The following GNAS variants were observed in gnomAD, a reference collection of about 807,000 sequenced individuals.
The protein encoded by GNAS is protein ALEX.
GNAS carries 8 observed loss-of-function variants against 54.5 expected under a neutral mutation model. The ratio of observed to expected loss-of-function variants is 0.15; its 90% CI spans 0.09 to 0.26. The LOEUF (loss-of-function observed/expected upper bound fraction) is 0.26, where lower values mean the gene tolerates loss of function less well. Ranked by LOEUF, GNAS falls within the 10% of genes least tolerant of loss-of-function variation. The pLI, the probability that GNAS is intolerant of heterozygous loss-of-function variation, is 1.00. For synonymous variants in GNAS, 204 were observed against 191.4 expected (o/e 1.07, Z -0.54); for missense variants, 170 against 529.8 (o/e 0.32, Z 6.67).
chr20:58,871,629 AC>A (rs1369037141), intron 1 of GNAS, among the ~76,000 whole-genome samples: 22 of 142,682 alleles, frequency 1.5e-4, no homozygotes, highest in South Asian at 4.4e-4. Flanking sequence ...AAAAAAAAAA[AC>A]AAACAACAAA....
rs1365492916 is a variant in GNAS at position 58,855,095 on chromosome 20, C to A, written c.43+14209C>A. 9.9e-6 allele frequency: 16 copies of A among 1,613,498 alleles called. No homozygotes were observed. Among genetic ancestry groups the A allele is most frequent in the Non-Finnish European group, 1.4e-5 (16 of 1,179,920 alleles). ...AGCCCCAGCGCAACTTACTCCGCAA[C>A]TTTCTCGTGCAAGCCTTCGGGGGCT... On this transcript the variant is annotated intron_variant, in intron 1 of 12. Coordinates refer to the GNAS transcript ENST00000306090.
Position 58,910,917 on chromosome 20 carries a change from A to ATGGT in GNAS, c.*88_*89insTGGT. ...GTACAAGCAGTTAATCACCCACCAT[A>ATGGT]GGGCATGATTAACAAAGCAACCTTT... On this transcript the variant is annotated 3_prime_UTR_variant, in exon 13 of 13. Coordinates refer to ENST00000371085, the MANE Select transcript of GNAS (RefSeq NM_000516.7). The surrounding 1 kb of genome is among the most constrained non-coding windows in gnomAD (Gnocchi z 5.8). 7.7e-7 allele frequency: 1 copy of ATGGT among 1,297,788 alleles called. No homozygotes were observed. The highest frequency in any genetic ancestry group is 1.1e-6 in the Non-Finnish European group (1 of 901,790). 80.4% of individuals were successfully genotyped at this position (1,297,788 alleles called of 1,614,324 possible). A position where few individuals can be genotyped will look rare whatever the true frequency, so the allele number is the denominator to read the frequency against.
upstream of GNAS, chr20:58,889,449 G>C: frequency 1.3e-6 from 1 of 741,934 alleles, no homozygotes; most frequent in South Asian, 6.1e-5. Flanking sequence ...GCGCCCGGGC[G>C]CCGCTGCCTT....
chr20:58,867,395 T>C (rs1210494540), intron 1 of GNAS: 1 of 151,942 alleles, frequency 6.6e-6, no homozygotes, highest in East Asian at 1.9e-4. Context: ...TGAGTGGGAG[T>C]CTTTGGAAAT....
At chr20:58,888,623 A>G (rs945674511), upstream of GNAS, 2 of 152,194 alleles carry the variant, frequency 1.3e-5, no homozygotes, top group African/African-American at 4.8e-5. Context: ...CTCCACAGCC[A>G]CGGCCACCGC....
chr20:58,846,778 T>C (rs2085956242), intron 1 of GNAS, among the ~76,000 whole-genome samples: 1 of 152,178 alleles, frequency 6.6e-6, no homozygotes, highest in African/African-American at 2.4e-5. Context: ...GTAATTGAGG[T>C]TGTTCTAGAA....
In GNAS at chr20:58,910,273, C is replaced by A; in HGVS notation, c.971-61C>A. The stretch of plus-strand genomic sequence containing the variant: ...GAAGACTTCAGGAGCTACAGAGATG[C>A]TAGCACCCCAGCTCTGCTTGAATTT... On this transcript the variant is annotated intron_variant, in intron 11 of 12. Coordinates refer to ENST00000371085, the MANE Select transcript of GNAS (RefSeq NM_000516.7). This position sits in a 1 kb window ranked among gnomAD's most constrained non-coding sequence, Gnocchi z 5.8. 1 of 1,353,530 alleles carries A rather than the reference C, an allele frequency of 7.4e-7. No individual in the cohort carries two copies. Among genetic ancestry groups the A allele is most frequent in the Non-Finnish European group, 1.1e-6 (1 of 941,852 alleles). The allele number at this position is 1,353,530 out of a possible 1,614,324, so 83.8% of individuals were successfully genotyped here. A position where few individuals can be genotyped will look rare whatever the true frequency, so the allele number is the denominator to read the frequency against.
In GNAS at chr20:58,910,209, G is replaced by A. The variant is rs931253810; in HGVS notation, c.971-125G>A. The A allele has an allele frequency of 1.9e-5, 24 of 1,272,284 alleles. No homozygotes were observed. The highest frequency in any genetic ancestry group is 1.8e-4 in the Middle Eastern group (1 of 5,456). The allele number at this position is 1,272,284 out of a possible 1,614,324, so 78.8% of individuals were successfully genotyped here. On this transcript the variant is annotated intron_variant, in intron 11 of 12. Transcript: ENST00000371085. This position sits in a 1 kb window ranked among gnomAD's most constrained non-coding sequence, Gnocchi z 5.8. ...GATCTATAAGAGAAGCAAGAAAAAC[G>A]CACTCCCACTAATTCTCATATGGAA...
chr20:58,872,559 T>G (rs528255827), intron 1 of GNAS, among the ~76,000 whole-genome samples: 1 of 152,278 alleles, frequency 6.6e-6, no homozygotes, highest in African/African-American at 2.4e-5. Flanking sequence ...CCTTCCTTCC[T>G]CCCTTCCTTC....
intron 1 of GNAS, among the ~76,000 whole-genome samples, chr20:58,848,170 A>G (rs1367012421): frequency 1.3e-5 from 2 of 152,248 alleles, no homozygotes; most frequent in South Asian, 4.1e-4. Flanking sequence ...CTTTCTTAGT[A>G]CATCAAGTGC....
intron 1 of GNAS, among the ~76,000 whole-genome samples, chr20:58,885,354 A>G (rs575749409): frequency 6.6e-6 from 1 of 152,384 alleles, no homozygotes; most frequent in South Asian, 2.1e-4. Context: ...AGCATCTCAA[A>G]GCCACTGGCT....
Position 58,909,326 on chromosome 20 carries a change from C to A in GNAS, c.586-24C>A, listed in dbSNP as rs2146268856. The A allele has an allele frequency of 6.2e-7, 1 of 1,603,732 alleles. No individual in the cohort carries two copies. Among genetic ancestry groups the A allele is most frequent in the Non-Finnish European group, 8.5e-7 (1 of 1,170,540 alleles). On this transcript the variant is annotated intron_variant, in intron 7 of 12. Transcript: ENST00000371085. The surrounding 1 kb of genome is among the most constrained non-coding windows in gnomAD (Gnocchi z 7.3). ...CTGTTTCGGTTGGCTTTGGTGAGAT[C>A]CATTGACCTCAATTTTGTTTCAGGA... is the stretch of plus-strand genomic sequence containing the variant.
At chr20:58,854,726 C>A in intron 1 of GNAS, 3 of 1,535,482 alleles carry the variant, frequency 2.0e-6, no homozygotes, top group Non-Finnish European at 2.6e-6. Flanking sequence ...CAGCCCATGT[C>A]GCCCCAGCTG....
At chr20:58,852,562 A>G (rs1568921693) in intron 1 of GNAS, among the ~76,000 whole-genome samples, 1 of 152,022 alleles carries the variant, frequency 6.6e-6, no homozygotes, top group Non-Finnish European at 1.5e-5. Context: ...GGGGTGATGA[A>G]ATCCTTCTTC....
In GNAS at chr20:58,910,140, C is replaced by G; in HGVS notation, c.970+59C>G. ...TTGCGGTGGTTCTTTTTCAAACGGT[C>G]AGGCTGAAAACCCCCATCCCCCTCC... is the stretch of plus-strand genomic sequence containing the variant. On this transcript the variant is annotated intron_variant, in intron 11 of 12. Coordinates refer to ENST00000371085, the MANE Select transcript of GNAS (RefSeq NM_000516.7). The surrounding 1 kb of genome is among the most constrained non-coding windows in gnomAD (Gnocchi z 5.8). The G allele has an allele frequency of 6.3e-7, 1 of 1,579,308 alleles. No homozygotes were observed. The highest frequency in any genetic ancestry group is 8.7e-7 in the Non-Finnish European group (1 of 1,148,856).
intron 3 of GNAS, chr20:58,899,530 T>C (rs2090395105): frequency 1.8e-6 from 1 of 543,764 alleles, no homozygotes; most frequent in Non-Finnish European, 3.6e-6. Context: ...TGATCAAATT[T>C]ATTTGAATCA....
intron 1 of GNAS, chr20:58,844,211 G>C (rs978763090): frequency 6.6e-6 from 1 of 152,196 alleles, no homozygotes; most frequent in African/African-American, 2.4e-5. Flanking sequence ...AGTAAAGCAT[G>C]TCTCCTAACT....
At chr20:58,850,935 C>A in intron 1 of GNAS, 1 of 398,664 alleles carries the variant, frequency 2.5e-6, no homozygotes, top group South Asian at 1.3e-4. Context: ...GGTTTCCGGT[C>A]TGACGCCCCC....
intron 1 of GNAS, among the ~76,000 whole-genome samples, chr20:58,893,430 G>A (rs1354145471): frequency 6.6e-6 from 1 of 152,082 alleles, no homozygotes; most frequent in Non-Finnish European, 1.5e-5. Context: ...ATAAATTTGT[G>A]AATTTGCTAG....
Sources: allele counts gnomAD v4.1 joint callset (sites outside exome capture counted in the v4.1 genomes callset), GRCh38; gene constraint gnomAD v4.1.1; non-coding constraint Gnocchi (gnomAD v3.1); transcripts MANE v1.5; gene names NCBI Gene and HGNC (gene_info 2026-07-23, HGNC 2026-07-21).